SH3TC2: variants seen among roughly 807,000 people sequenced by gnomAD.
SH3TC2 encodes SH3 domain and tetratricopeptide repeats 2.
SH3TC2 carries 87 observed loss-of-function variants against 124.5 expected under a neutral mutation model. That is an observed-to-expected ratio of 0.70 (90% CI 0.59 to 0.84). SH3TC2 has a LOEUF of 0.84. Among genes scored for constraint, SH3TC2 ranks in the 40% least tolerant of loss-of-function variants. The probability of loss-of-function intolerance (pLI) is 0.00; values close to 1 mark genes in which losing one functional copy is unlikely to be tolerated. For missense variants in SH3TC2, 1,536 were observed against 1,566.4 expected (o/e 0.98, Z 0.33); for synonymous variants, 634 against 628.5 (o/e 1.01, Z -0.13).
In SH3TC2 at chr5:149,004,057, C is replaced by T. The variant is rs1753640690; in HGVS notation, c.*654G>A. The T allele has an allele frequency of 5.2e-6, 1 of 192,038 alleles. No individual in the cohort carries two copies. Among genetic ancestry groups the T allele is most frequent in the Non-Finnish European group, 1.1e-5 (1 of 91,106 alleles). 11.9% of individuals were successfully genotyped at this position (192,038 alleles called of 1,614,324 possible). On this transcript the variant is annotated 3_prime_UTR_variant, in exon 17 of 17. Coordinates refer to ENST00000515425, the MANE Select transcript of SH3TC2 (RefSeq NM_024577.4). ...AAGCCTTTGCTCTTGGAAAGCTTCC[C>T]TGGAGCTTCTGGGAGGTTATGTGGG...
intron 9 of SH3TC2, among the ~76,000 whole-genome samples, chr5:149,029,041 G>A (rs1374518565): frequency 6.6e-6 from 1 of 151,760 alleles, no homozygotes; most frequent in African/African-American, 2.4e-5. Context: ...GGGACAGTGG[G>A]GGTCCTGATA....
intron 3 of SH3TC2, 160 bp from the exon 4 acceptor site, chr5:149,044,798 G>T: frequency 1.6e-6 from 1 of 624,250 alleles, no homozygotes; most frequent in East Asian, 2.9e-5. Context: ...ATAAGAGATT[G>T]GTTAAAATGG....
In SH3TC2 at chr5:149,000,514, C is replaced by A. The variant is rs563837464; in HGVS notation, c.*4197G>T. ...ATAATTCTGTTTATGGAAAACAATA[C>A]AAGTTTTTCTTCTATATAGACTAGT... On this transcript the variant is annotated 3_prime_UTR_variant, in exon 17 of 17. Coordinates refer to ENST00000515425, the MANE Select transcript of SH3TC2 (RefSeq NM_024577.4). Among the ~76,000 whole-genome samples, 1 of 152,162 alleles carries A rather than the reference C, an allele frequency of 6.6e-6. No individual in the cohort carries two copies. The highest frequency in any genetic ancestry group is 1.5e-5 in the Non-Finnish European group (1 of 68,020).
intron 14 of SH3TC2, 66 bp from the exon 15 acceptor site, chr5:149,009,067 G>A (rs909477120): frequency 6.2e-7 from 1 of 1,600,458 alleles, no homozygotes; most frequent in Non-Finnish European, 8.6e-7. Context: ...ATAGCTAGGA[G>A]ACTTATCTTC....
intron 14 of SH3TC2, 60 bp from the exon 15 acceptor site, chr5:149,009,061 C>G: frequency 6.2e-7 from 1 of 1,607,660 alleles, no homozygotes; most frequent in Non-Finnish European, 8.5e-7. Flanking sequence ...CATACCATAG[C>G]TAGGAGACTT....
intron 15 of SH3TC2, chr5:149,008,537 T>C (rs775417491): frequency 8.9e-6 from 4 of 448,998 alleles, no homozygotes; most frequent in South Asian, 2.2e-5. Context: ...AATATAATAA[T>C]AGTGTGGCAC....
intron 2 of SH3TC2, 162 bp from the exon 3 acceptor site, chr5:149,048,151 T>A (rs1754498926): frequency 1.1e-6 from 1 of 939,672 alleles, no homozygotes; most frequent in Non-Finnish European, 1.6e-6. Context: ...GGAGCACTCC[T>A]TTAAATGGTC....
intron 12 of SH3TC2, among the ~76,000 whole-genome samples, chr5:149,025,420 A>T (rs536266466): frequency 1.2e-4 from 18 of 152,272 alleles, no homozygotes; most frequent in South Asian, 4.2e-4. Flanking sequence ...AATGCAAAAA[A>T]ATATATATAT....
intron 12 of SH3TC2, among the ~76,000 whole-genome samples, chr5:149,018,187 G>A (rs1753907127): frequency 6.6e-6 from 1 of 152,002 alleles, no homozygotes; most frequent in African/African-American, 2.4e-5. Context: ...TTTATATATG[G>A]CTTAGTAAAC....
Position 149,026,930 on chromosome 5 carries a change from G to A in SH3TC2, c.2802C>T (p.His934=), listed in dbSNP as rs1231885339. ...AACAAAGAAGGCCATGGGTCAGCTGGTGTCCAGACACCAGAACTTGGGCCA... is the reference window on the plus strand; with the variant it reads ...AACAAAGAAGGCCATGGGTCAGCTGATGTCCAGACACCAGAACTTGGGCCA... ...LWLAQVLVSG[H]QLTHGLLCYE... The change falls in exon 11 of 17, where the codon CAC becomes CAT. Residue 934 remains histidine (H), a synonymous_variant. Coordinates refer to ENST00000515425, the MANE Select transcript of SH3TC2 (RefSeq NM_024577.4). The A allele has an allele frequency of 1.2e-6, 2 of 1,614,076 alleles. No individual in the cohort carries two copies. Among genetic ancestry groups the A allele is most frequent in the Non-Finnish European group, 1.7e-6 (2 of 1,180,052 alleles).
rs1753295102 is a variant in SH3TC2 at position 148,984,053 on chromosome 5, C to CAAGAAG, written c.*20657_*20658insCTTCTT. On this transcript the variant is annotated 3_prime_UTR_variant, in exon 17 of 17. Coordinates refer to ENST00000515425, the MANE Select transcript of SH3TC2 (RefSeq NM_024577.4). ...AGTGAAAAGAACCTGCATACAACTT[C>CAAGAAG]TTGTACATGAATATTGATATCACTT... Among the ~76,000 whole-genome samples, 1 of 152,196 alleles carries CAAGAAG rather than the reference C, an allele frequency of 6.6e-6. No homozygotes were observed. The highest frequency in any genetic ancestry group is 1.5e-5 in the Non-Finnish European group (1 of 68,032).
At position 149,044,565 on chromosome 5, in the gene SH3TC2, T is replaced by C. The variant is rs1754426123; in HGVS notation, c.353A>G (p.Glu118Gly). The part of the protein sequence containing the change: ...QFLITFKTME[E>G]IWKFSTYLNL... ...AAGGTAGGTGGAGAACTTCCAGATT[T>C]CCTCCATGGTCTTGAAGGTGATGAG... Residue 118 changes from glutamate to glycine, a missense_variant, in exon 4 of 17, where the codon GAA becomes GGA. Glu to Gly is a moderately conservative substitution (Grantham distance 98, BLOSUM62 -2). Transcript: ENST00000515425. 6.2e-7 allele frequency: 1 copy of C among 1,613,894 alleles called. No individual in the cohort carries two copies. Among genetic ancestry groups the C allele is most frequent in the Admixed American group, 1.7e-5 (1 of 59,986 alleles).
intron 6 of SH3TC2, among the ~76,000 whole-genome samples, 160 bp from the exon 7 acceptor site, chr5:149,040,837 T>C (rs1754357131): frequency 6.6e-6 from 1 of 152,204 alleles, no homozygotes; most frequent in South Asian, 2.1e-4. Context: ...TACCAGGACC[T>C]GTGAAAAGGT....
At chr5:149,005,793 C>T (rs1320527119) in intron 16 of SH3TC2, among the ~76,000 whole-genome samples, 1 of 152,176 alleles carries the variant, frequency 6.6e-6, no homozygotes, top group East Asian at 1.9e-4. Flanking sequence ...CCTGAGGGTT[C>T]CCTGGGGGCC....
rs1245446439 is a variant in SH3TC2 at position 149,048,005 on chromosome 5, G to A, written c.152-16C>T. On this transcript the variant is annotated splice_polypyrimidine_tract_variant and intron_variant, in intron 2 of 16. Coordinates refer to ENST00000515425, the MANE Select transcript of SH3TC2 (RefSeq NM_024577.4). The stretch of plus-strand genomic sequence containing the variant: ...AGTGTCAGGTCTTAAAGAGAACAGA[G>A]AGAGAAGGATCAGGCTGAAAATAGA... 1.9e-6 allele frequency: 3 copies of A among 1,613,898 alleles called. No homozygotes were observed. Among genetic ancestry groups the A allele is most frequent in the Non-Finnish European group, 2.5e-6 (3 of 1,179,884 alleles).
chr5:149,033,057 T>C (rs1754223769), intron 8 of SH3TC2, among the ~76,000 whole-genome samples: 1 of 152,220 alleles, frequency 6.6e-6, no homozygotes. Context: ...AACTTTATGG[T>C]GCAGGTTTTT....
intron 1 of SH3TC2, among the ~76,000 whole-genome samples, chr5:149,062,072 C>T (rs147271534): frequency 6.6e-6 from 1 of 152,220 alleles, no homozygotes; most frequent in East Asian, 1.9e-4. Flanking sequence ...GTAGAAAGCC[C>T]TCAGCTAGGG....
chr5:149,029,691 G>C (rs890634247), intron 9 of SH3TC2, among the ~76,000 whole-genome samples: 1 of 152,096 alleles, frequency 6.6e-6, no homozygotes, highest in Non-Finnish European at 1.5e-5. Context: ...CAGAGGCCAA[G>C]GTGACTTAAA....
chr5:149,021,181 A>G (rs1003058575), intron 12 of SH3TC2, among the ~76,000 whole-genome samples: 1 of 152,192 alleles, frequency 6.6e-6, no homozygotes, highest in Non-Finnish European at 1.5e-5. Context: ...ATACTCCTAA[A>G]TAACCAATGA....
Sources: gnomAD v4.1 joint callset for allele counts (sites outside exome capture counted in the v4.1 genomes callset) on GRCh38, gnomAD v4.1.1 for gene constraint, MANE v1.5 for transcripts, NCBI Gene and HGNC (gene_info 2026-07-23, HGNC 2026-07-21) for gene names.